MYO3B: variants seen among roughly 807,000 people sequenced by gnomAD.
MYO3B encodes the protein myosin-IIIb.
A neutral mutation model predicts 174.6 loss-of-function variants in MYO3B; 156 were observed. The observed-to-expected ratio is 0.89, with a 90% CI of 0.78 to 1.02. The LOEUF is 1.02. MYO3B is among the 50% of genes least tolerant of loss of function. The pLI, the probability that MYO3B is intolerant of heterozygous loss-of-function variation, is 0.00. For missense variants in MYO3B, 1,632 were observed against 1,639.4 expected, an observed-to-expected ratio of 1.00 and a Z score of 0.08; for synonymous variants, 563 against 569.1, an observed-to-expected ratio of 0.99 and a Z score of 0.15.
At chr2:170,616,177 C>T (rs1291464753) in intron 32 of MYO3B, among the ~76,000 whole-genome samples, 1 of 152,158 alleles carries the variant, frequency 6.6e-6, no homozygotes, top group African/African-American at 2.4e-5. Flanking sequence ...CAGAAATTCC[C>T]AGAAGGGAGT....
chr2:170,369,005 A>G (rs2094219026), intron 8 of MYO3B, among the ~76,000 whole-genome samples: 1 of 152,230 alleles, frequency 6.6e-6, no homozygotes, highest in Admixed American at 6.5e-5. Context: ...CTTAAAACAA[A>G]CGAAGACAGA....
intron 25 of MYO3B, among the ~76,000 whole-genome samples, chr2:170,488,609 A>G (rs1686224554): frequency 6.6e-6 from 1 of 152,238 alleles, no homozygotes; most frequent in Non-Finnish European, 1.5e-5. Flanking sequence ...GGAAGAGTCA[A>G]AGTAGCATAG....
chr2:170,475,350 A>C (rs370405831), intron 25 of MYO3B, among the ~76,000 whole-genome samples: 2 of 152,150 alleles, frequency 1.3e-5, no homozygotes, highest in South Asian at 4.2e-4. Flanking sequence ...TCCTGAGCTC[A>C]AGCAATTCTC....
At chr2:170,651,591 T>G in intron 32 of MYO3B, 37 bp from the exon 33 acceptor site, 1 of 1,577,114 alleles carries the variant, frequency 6.3e-7, no homozygotes. Flanking sequence ...TCCCAACACC[T>G]CGGACAGTTT....
At chr2:170,633,877 G>C (rs947270581) in intron 32 of MYO3B, among the ~76,000 whole-genome samples, 1 of 152,118 alleles carries the variant, frequency 6.6e-6, no homozygotes, top group African/African-American at 2.4e-5. Context: ...TTCCTACAAA[G>C]AGAATAAAAT....
At chr2:170,355,443 G>C (rs573228059) in intron 8 of MYO3B, among the ~76,000 whole-genome samples, 1 of 152,190 alleles carries the variant, frequency 6.6e-6, no homozygotes. Context: ...ATGCCAGTAC[G>C]ACTATTGCAG....
chr2:170,296,637 C>T (rs147638250), intron 7 of MYO3B, among the ~76,000 whole-genome samples: 2 of 152,086 alleles, frequency 1.3e-5, no homozygotes, highest in African/African-American at 4.8e-5. Context: ...GAGAGCAAAA[C>T]CTTTTTACCA....
intron 29 of MYO3B, among the ~76,000 whole-genome samples, chr2:170,516,637 C>T (rs1241118606): frequency 5.3e-5 from 7 of 133,332 alleles, no homozygotes; most frequent in Non-Finnish European, 7.8e-5. Flanking sequence ...AGCCAGACTC[C>T]GTCTCAAAAA....
At chr2:170,606,747 A>G (rs7564861) in intron 32 of MYO3B, among the ~76,000 whole-genome samples, 52,933 of 152,098 alleles carry the variant, frequency 0.35, 11,985 homozygotes, top group African/African-American at 0.65. Context: ...CAGGCCGGGC[A>G]CGGTGGCTCA....
intron 25 of MYO3B, among the ~76,000 whole-genome samples, chr2:170,495,177 T>C (rs1361502351): frequency 6.6e-6 from 1 of 152,242 alleles, no homozygotes; most frequent in African/African-American, 2.4e-5. Flanking sequence ...ATCATGCTGC[T>C]TCAGGAAAGG....
chr2:170,218,766 T>A (rs1202569142), intron 6 of MYO3B, among the ~76,000 whole-genome samples: 1 of 152,246 alleles, frequency 6.6e-6, no homozygotes, highest in Non-Finnish European at 1.5e-5. Context: ...TGATCTAGAC[T>A]ATGTTTTTAC....
chr2:170,603,303 G>A (rs1210715904), intron 32 of MYO3B, among the ~76,000 whole-genome samples: 3 of 152,062 alleles, frequency 2.0e-5, no homozygotes, highest in Admixed American at 6.5e-5. Flanking sequence ...ATATAAGTGT[G>A]AAGGAAAGCA....
chr2:170,596,360 G>A (rs1298661223), intron 32 of MYO3B, among the ~76,000 whole-genome samples: 3 of 152,176 alleles, frequency 2.0e-5, no homozygotes, highest in Non-Finnish European at 4.4e-5. Context: ...TGGTCCGTGA[G>A]TCCCTTACCT....
chr2:170,224,278 A>C (rs2092929670), intron 6 of MYO3B, among the ~76,000 whole-genome samples: 1 of 152,186 alleles, frequency 6.6e-6, no homozygotes, highest in Non-Finnish European at 1.5e-5. Flanking sequence ...AGGCTTAAAG[A>C]GCTATAGGAG....
chr2:170,540,859 C>A (rs1015299439), intron 30 of MYO3B, among the ~76,000 whole-genome samples: 2 of 152,074 alleles, frequency 1.3e-5, no homozygotes, highest in East Asian at 3.9e-4. Flanking sequence ...GTTTCCAATT[C>A]TTTTCCTTTC....
intron 7 of MYO3B, among the ~76,000 whole-genome samples, chr2:170,322,299 C>A (rs1404736713): frequency 1.3e-5 from 2 of 152,272 alleles, no homozygotes; most frequent in East Asian, 3.9e-4. Context: ...GGTTGCTAGG[C>A]AACCGGGTAG....
At chr2:170,560,714 C>T (rs963937650) in intron 32 of MYO3B, among the ~76,000 whole-genome samples, 1 of 152,184 alleles carries the variant, frequency 6.6e-6, no homozygotes, top group Non-Finnish European at 1.5e-5. Context: ...GACACAATGG[C>T]TGGGTTCTCC....
chr2:170,343,292 G>A (rs189426886), intron 8 of MYO3B, among the ~76,000 whole-genome samples: 1 of 152,092 alleles, frequency 6.6e-6, no homozygotes, highest in African/African-American at 2.4e-5. Context: ...AATTAGCCAG[G>A]CATGGTGGTG....
chr2:170,555,826 G>A (rs1691247865), intron 32 of MYO3B, among the ~76,000 whole-genome samples: 1 of 151,862 alleles, frequency 6.6e-6, no homozygotes, highest in Non-Finnish European at 1.5e-5. Context: ...GAGCTATGAT[G>A]GTACCACTGC....
Sources: gnomAD v4.1 joint callset for allele counts (sites outside exome capture counted in the v4.1 genomes callset) on GRCh38, gnomAD v4.1.1 for gene constraint, MANE v1.5 for transcripts, NCBI Gene and HGNC (gene_info 2026-07-23, HGNC 2026-07-21) for gene names.